THSD4: variants seen among roughly 807,000 people sequenced by gnomAD.
The protein encoded by THSD4 is thrombospondin type 1 domain containing 4, also known as thrombospondin type-1 domain-containing protein 4.
THSD4 carries 69 observed loss-of-function variants against 119.0 expected under a neutral mutation model. The observed-to-expected ratio is 0.58, with a 90% CI of 0.48 to 0.71. THSD4 has a LOEUF of 0.71. Among genes scored for constraint, THSD4 ranks in the 30% least tolerant of loss-of-function variants. The probability of loss-of-function intolerance (pLI) is 0.00; values close to 1 mark genes in which losing one functional copy is unlikely to be tolerated. For synonymous variants in THSD4, 524 were observed against 540.4 expected, an observed-to-expected ratio of 0.97 and a Z score of 0.42; for missense variants, 1,393 against 1,391.1, an observed-to-expected ratio of 1.00 and a Z score of -0.02.
chr15:71,471,454 G>A (rs898342060), intron 7 of THSD4, among the ~76,000 whole-genome samples: 2 of 151,992 alleles, frequency 1.3e-5, no homozygotes, highest in Non-Finnish European at 2.9e-5. Context: ...GCCCTGAGGT[G>A]TCATGCTGGG....
chr15:71,604,009 A>T (rs62022824), intron 7 of THSD4, among the ~76,000 whole-genome samples: 1 of 152,066 alleles, frequency 6.6e-6, no homozygotes, highest in African/African-American at 2.4e-5. Flanking sequence ...GAGAGAAAAG[A>T]GGTATAGAAC....
At chr15:71,677,186 G>A (rs759873293) in intron 8 of THSD4, among the ~76,000 whole-genome samples, 3 of 152,202 alleles carry the variant, frequency 2.0e-5, no homozygotes, top group South Asian at 2.1e-4. Flanking sequence ...AAGATGCTGC[G>A]CTGGGCTTTG....
intron 6 of THSD4, among the ~76,000 whole-genome samples, chr15:71,272,667 G>C (rs2044545937): frequency 1.3e-5 from 2 of 151,878 alleles, no homozygotes; most frequent in African/African-American, 4.8e-5. Flanking sequence ...TTCAAAACCA[G>C]CTTGGCCACG....
chr15:71,573,626 A>G (rs1471648320), intron 7 of THSD4, among the ~76,000 whole-genome samples: 18 of 152,212 alleles, frequency 1.2e-4, no homozygotes, highest in Admixed American at 1.2e-3. Context: ...ATTTCCTCAA[A>G]TCCACTGTAT....
chr15:71,160,963 T>C (rs1366172836), intron 3 of THSD4, among the ~76,000 whole-genome samples: 2 of 152,052 alleles, frequency 1.3e-5, no homozygotes, highest in Non-Finnish European at 2.9e-5. Context: ...TTAACTATTC[T>C]TGCTTGTCTC....
At chr15:71,640,233 C>T (rs973850871) in intron 7 of THSD4, among the ~76,000 whole-genome samples, 1 of 151,770 alleles carries the variant, frequency 6.6e-6, no homozygotes, top group Non-Finnish European at 1.5e-5. Flanking sequence ...CAGGTACACA[C>T]TGCTATGCTC....
At chr15:71,770,820 GA>G (rs530593915) in intron 16 of THSD4, among the ~76,000 whole-genome samples, 118 of 152,328 alleles carry the variant, frequency 7.7e-4, no homozygotes, top group African/African-American at 2.7e-3. Flanking sequence ...GTATATGGAA[GA>G]AGTGATCAGA....
intron 7 of THSD4, among the ~76,000 whole-genome samples, chr15:71,588,811 G>A (rs557001612): frequency 2.6e-5 from 4 of 152,262 alleles, no homozygotes; most frequent in Admixed American, 1.3e-4. Flanking sequence ...GGGGGAGATA[G>A]GTATCAGTTA....
At chr15:71,660,018 C>A (rs1390908748) in intron 7 of THSD4, among the ~76,000 whole-genome samples, 1 of 137,806 alleles carries the variant, frequency 7.3e-6, no homozygotes, top group Non-Finnish European at 1.6e-5. Context: ...GCCTCTAGAG[C>A]CACAGTTACC....
intron 7 of THSD4, among the ~76,000 whole-genome samples, chr15:71,587,277 A>AT (rs1345460645): frequency 7.7e-6 from 1 of 129,614 alleles, no homozygotes; most frequent in Non-Finnish European, 1.7e-5. Context: ...TACTCGGTAT[A>AT]TACCCAAAGG....
At chr15:71,578,984 C>T (rs2049509109) in intron 7 of THSD4, among the ~76,000 whole-genome samples, 1 of 151,654 alleles carries the variant, frequency 6.6e-6, no homozygotes, top group Non-Finnish European at 1.5e-5. Flanking sequence ...GCTGGGACTA[C>T]AGGCACCAGC....
intron 7 of THSD4, among the ~76,000 whole-genome samples, chr15:71,479,373 C>CCTTTCT (rs2047695169): frequency 6.6e-6 from 1 of 152,000 alleles, no homozygotes; most frequent in Non-Finnish European, 1.5e-5. Context: ...AATTGGGTAA[C>CCTTTCT]CTTTCTCTTT....
At chr15:71,629,607 A>G (rs1309551411) in intron 7 of THSD4, among the ~76,000 whole-genome samples, 8 of 152,166 alleles carry the variant, frequency 5.3e-5, no homozygotes, top group Non-Finnish European at 8.8e-5. Context: ...GATGTGACAC[A>G]TAAAGAGATG....
upstream of THSD4, chr15:71,115,337 C>T (rs1235725160): frequency 6.6e-6 from 1 of 152,572 alleles, no homozygotes; most frequent in East Asian, 1.9e-4. This position sits in a 1 kb window ranked among gnomAD's most constrained non-coding sequence, Gnocchi z 4.4. Flanking sequence ...CCTCCGGGGT[C>T]AGGGGTGCGG....
chr15:71,752,196 CA>C (rs2053460254), intron 14 of THSD4, among the ~76,000 whole-genome samples: 1 of 152,180 alleles, frequency 6.6e-6, no homozygotes, highest in Admixed American at 6.5e-5. Flanking sequence ...AAAATAGCTG[CA>C]GTGGTTCATT....
chr15:71,648,554 A>G (rs2051017919), intron 7 of THSD4, among the ~76,000 whole-genome samples: 1 of 152,226 alleles, frequency 6.6e-6, no homozygotes, highest in Admixed American at 6.5e-5. Context: ...TAATGAGAAA[A>G]GTTACAAAGA....
chr15:71,521,252 C>T (rs1487254490), intron 7 of THSD4, among the ~76,000 whole-genome samples: 3 of 152,100 alleles, frequency 2.0e-5, no homozygotes, highest in African/African-American at 7.2e-5. Flanking sequence ...CCCCACTCTC[C>T]CTGCAAACAA....
chr15:71,633,248 T>C (rs1042427758), intron 7 of THSD4, among the ~76,000 whole-genome samples: 22 of 148,008 alleles, frequency 1.5e-4, no homozygotes, highest in African/African-American at 4.9e-4. Flanking sequence ...TATTTCTTCT[T>C]TTCTTTTTCT....
At chr15:71,241,246 C>G (rs1048395994) in intron 4 of THSD4, among the ~76,000 whole-genome samples, 1 of 152,224 alleles carries the variant, frequency 6.6e-6, no homozygotes, top group Non-Finnish European at 1.5e-5. Context: ...CCTTGGCGGT[C>G]ATTTAATCCA....
Sources: allele counts gnomAD v4.1 joint callset (sites outside exome capture counted in the v4.1 genomes callset), GRCh38; gene constraint gnomAD v4.1.1; non-coding constraint Gnocchi (gnomAD v3.1); transcripts MANE v1.5; gene names NCBI Gene and HGNC (gene_info 2026-07-23, HGNC 2026-07-21).